The following PCDHA2 variants were observed in gnomAD, a reference collection of about 807,000 sequenced individuals.
PCDHA2 encodes the protein protocadherin alpha-2.
PCDHA2 carries 58 observed loss-of-function variants against 66.0 expected under a neutral mutation model. The ratio of observed to expected loss-of-function variants is 0.88; its 90% confidence interval spans 0.71 to 1.09. PCDHA2 has a LOEUF of 1.09. Among genes scored for constraint, PCDHA2 ranks in the 50% least tolerant of loss-of-function variants. PCDHA2 has a pLI of 0.00. For missense variants in PCDHA2, 1,267 were observed against 1,242.3 expected (o/e 1.02, Z -0.30); for synonymous variants, 634 against 554.0 (o/e 1.14, Z -2.03).
At position 140,837,471 on chromosome 5, in the gene PCDHA2, C is replaced by T. The variant is rs2150275751; in HGVS notation, c.2388+40119C>T. Among the ~76,000 whole-genome samples, 442 of 151,506 alleles carry T rather than the reference C, an allele frequency of 2.9e-3. 6 individuals are homozygous for T. The highest frequency in any genetic ancestry group is 0.01 in the African/African-American group (420 of 41,194). On this transcript the variant is annotated intron_variant, in intron 1 of 3. Coordinates refer to ENST00000526136, the MANE Select transcript of PCDHA2 (RefSeq NM_018905.3). ...TAAAAAATCTCCTTGCCTCCTCAAA[C>T]CCCAAACCATTTACTTTACCTTTCT... is the stretch of plus-strand genomic sequence containing the variant.
chr5:140,857,278 C>A lies in PCDHA2; in HGVS notation c.2388+59926C>A, dbSNP rs541123870. On this transcript the variant is annotated intron_variant, in intron 1 of 3. Transcript: ENST00000526136. ...ATTACTACTCATTGGTGCTGGACAGCGCTCTGGACCGCGAGAGGGTGTCGG... is the reference window on the plus strand; with the variant it reads ...ATTACTACTCATTGGTGCTGGACAGAGCTCTGGACCGCGAGAGGGTGTCGG... The A allele has an allele frequency of 1.8e-5, 29 of 1,598,570 alleles. 3 individuals are homozygous for A. The highest frequency in any genetic ancestry group is 1.7e-4 in the Middle Eastern group (1 of 5,938).
intron 1 of PCDHA2, chr5:140,817,147 A>G (rs1185390930): frequency 1.3e-5 from 2 of 152,232 alleles, no homozygotes; most frequent in Non-Finnish European, 2.9e-5. Flanking sequence ...GCCAGGTTCC[A>G]TCAGTGCTCT....
intron 1 of PCDHA2, chr5:140,876,440 T>G (rs369023443): frequency 3.7e-6 from 6 of 1,613,994 alleles, no homozygotes; most frequent in Admixed American, 1.7e-5. Flanking sequence ...GTTAACGCCA[T>G]TGATAAAGGG....
At chr5:140,977,256 C>T (rs1304967733) in intron 1 of PCDHA2, among the ~76,000 whole-genome samples, 1 of 152,164 alleles carries the variant, frequency 6.6e-6, no homozygotes, top group Non-Finnish European at 1.5e-5. Flanking sequence ...CATTTCTCAG[C>T]AGATGTTACA....
Position 141,009,632 on chromosome 5 carries a change from G to A in PCDHA2, c.2542G>A (p.Glu848Lys). 1 of 1,613,032 alleles carries A rather than the reference G, an allele frequency of 6.2e-7. No individual in the cohort carries two copies. Among genetic ancestry groups the A allele is most frequent in the Non-Finnish European group, 8.5e-7 (1 of 1,179,354 alleles). The change falls in exon 4 of 4, where the codon GAG (glutamate) becomes AAG (lysine). Residue 848 changes from glutamate to lysine, a missense_variant. Transcript: ENST00000526136. The stretch of plus-strand genomic sequence containing the variant: ...TGTAATGTTTTGTCTTTCAGAACCA[G>A]AGGCAGGAGAAGTGTCCCCTCCAGT... ...PTVSSATPEP[E>K]AGEVSPPVGA...
rs2092672361 is a variant in PCDHA2, at chr5:140,940,726, G to A, written c.2389-38223G>A. On this transcript the variant is annotated intron_variant, in intron 1 of 3. Coordinates refer to ENST00000526136, the MANE Select transcript of PCDHA2 (RefSeq NM_018905.3). Reference sequence around the variant, plus strand: ...ATACCTGCTGTGTGCTGTTTCAGCTGGACAGCTCCATATTTTTATGTGTGC... The same window carrying A: ...ATACCTGCTGTGTGCTGTTTCAGCTAGACAGCTCCATATTTTTATGTGTGC... 3.9e-5 allele frequency among the ~76,000 whole-genome samples: 6 copies of A among 152,124 alleles called. No homozygotes were observed. The South Asian group carries it at 1.2e-3, about 31-fold the overall frequency.
At chr5:140,804,902 A>G (rs751937136) in intron 1 of PCDHA2, 16 of 812,332 alleles carry the variant, frequency 2.0e-5, no homozygotes, top group African/African-American at 1.2e-4. Flanking sequence ...CCTCACTTCC[A>G]TTTTCTTTAT....
At chr5:140,922,837 C>T (rs1280492516) in intron 1 of PCDHA2, among the ~76,000 whole-genome samples, 2 of 152,134 alleles carry the variant, frequency 1.3e-5, no homozygotes, top group Non-Finnish European at 2.9e-5. Flanking sequence ...AATAGATGTC[C>T]TCAAAGAGAC....
At chr5:140,869,764 G>A (rs1554163420) in intron 1 of PCDHA2, 4 of 1,613,244 alleles carry the variant, frequency 2.5e-6, no homozygotes, top group East Asian at 4.5e-5. Context: ...GGGAAAACCA[G>A]AGCTTACTGG....
intron 1 of PCDHA2, among the ~76,000 whole-genome samples, chr5:140,939,130 A>T (rs1183803741): frequency 6.6e-6 from 1 of 152,204 alleles, no homozygotes; most frequent in Admixed American, 6.5e-5. Context: ...TGGAAGCTGG[A>T]AAGTTGATGA....
rs1382247797 is a variant in PCDHA2 at position 141,012,282 on chromosome 5, C to T, written c.*2345C>T. 2.6e-5 allele frequency: 4 copies of T among 153,718 alleles called. No individual in the cohort carries two copies. Among genetic ancestry groups the T allele is most frequent in the Non-Finnish European group, 4.4e-5 (3 of 68,036 alleles). 9.5% of individuals were successfully genotyped at this position (153,718 alleles called of 1,614,324 possible). Reference sequence around the variant, plus strand: ...AAGGATAAAACACGTCATGTGGATTCATTTTGAATTGGTGCTATTGGTATT... The same window carrying T: ...AAGGATAAAACACGTCATGTGGATTTATTTTGAATTGGTGCTATTGGTATT... On this transcript the variant is annotated 3_prime_UTR_variant, in exon 4 of 4. Coordinates refer to ENST00000526136, the MANE Select transcript of PCDHA2 (RefSeq NM_018905.3).
At chr5:140,948,527 A>G (rs902965857) in intron 1 of PCDHA2, among the ~76,000 whole-genome samples, 7 of 151,560 alleles carry the variant, frequency 4.6e-5, no homozygotes, top group Non-Finnish European at 8.9e-5. Context: ...CACTATTTAT[A>G]TTTTATTTCA....
At chr5:140,928,471 G>T in intron 1 of PCDHA2, 1 of 1,614,148 alleles carries the variant, frequency 6.2e-7, no homozygotes, top group Non-Finnish European at 8.5e-7. Context: ...CCAAGTAGAA[G>T]GCCGGGATGG....
At chr5:140,985,739 C>CA (rs781951589) in intron 3 of PCDHA2, among the ~76,000 whole-genome samples, 2 of 117,920 alleles carry the variant, frequency 1.7e-5, no homozygotes, top group Non-Finnish European at 3.4e-5. Flanking sequence ...TGATGAATTC[C>CA]TTTTTTTTTT....
intron 1 of PCDHA2, chr5:140,824,188 A>G: frequency 1.2e-6 from 2 of 1,604,144 alleles, no homozygotes; most frequent in Non-Finnish European, 1.7e-6. Context: ...TAAATGTCAC[A>G]TTCACCCACT....
rs1333608076 is a variant in PCDHA2, at chr5:140,848,470, A to C, written c.2388+51118A>C. Reference sequence around the variant, plus strand: ...TTCTAATTTGGAGGCAATTTTCACTAATTAGAAGAAGACTGAGTATTTGAA... The same window carrying C: ...TTCTAATTTGGAGGCAATTTTCACTCATTAGAAGAAGACTGAGTATTTGAA... On this transcript the variant is annotated intron_variant, in intron 1 of 3. Coordinates refer to ENST00000526136, the MANE Select transcript of PCDHA2 (RefSeq NM_018905.3). 3 of 1,552,738 alleles carry C rather than the reference A, an allele frequency of 1.9e-6. No individual in the cohort carries two copies. In the East Asian group the frequency reaches 6.7e-5, roughly 35 times the overall value.
intron 1 of PCDHA2, chr5:140,883,461 T>C: frequency 2.5e-6 from 4 of 1,614,144 alleles, no homozygotes; most frequent in Non-Finnish European, 3.4e-6. Context: ...TTCAAGCTGG[T>C]GTCCACCTAC....
At chr5:140,829,711 G>A (rs2150173108) in intron 1 of PCDHA2, 1 of 1,613,342 alleles carries the variant, frequency 6.2e-7, no homozygotes, top group Admixed American at 1.7e-5. Flanking sequence ...CGCGCGACGC[G>A]GGCGTGCCGC....
Position 140,824,611 on chromosome 5 carries a change from T to TTTTTTTTTTTTG in PCDHA2, c.2388+27270_2388+27271insGTTTTTTTTTTT, listed in dbSNP as rs1768219993. On this transcript the variant is annotated intron_variant, in intron 1 of 3. Coordinates refer to ENST00000526136, the MANE Select transcript of PCDHA2 (RefSeq NM_018905.3). Reference sequence around the variant, plus strand: ...GACTACATGCACATGCTAATTAAAGTTTTTTTTTTTTTTTTTTTTTTATTT... The same window carrying TTTTTTTTTTTTG: ...GACTACATGCACATGCTAATTAAAGTTTTTTTTTTTTGTTTTTTTTTTTTTTTTTTTTTATTT... 2 of 19,836 alleles carry TTTTTTTTTTTTG rather than the reference T, an allele frequency of 1.0e-4. 1 individual carries two copies. The highest frequency in any genetic ancestry group is 3.3e-4 in the African/African-American group (2 of 5,990). The allele number at this position is 19,836 out of a possible 1,614,324, so 1.2% of individuals were successfully genotyped here.
Sources: gnomAD v4.1 joint callset for allele counts (sites outside exome capture counted in the v4.1 genomes callset) on GRCh38, gnomAD v4.1.1 for gene constraint, MANE v1.5 for transcripts, NCBI Gene and HGNC (gene_info 2026-07-23, HGNC 2026-07-21) for gene names.